Variants in GARS1 observed in about 807,000 individuals in gnomAD.
GARS1 encodes glycine--tRNA ligase.
GARS1 carries 46 observed loss-of-function variants against 86.4 expected under a neutral mutation model. The observed-to-expected ratio is 0.53, with a 90% CI of 0.42 to 0.68. The LOEUF (loss-of-function observed/expected upper bound fraction) is 0.68. Among genes scored for constraint, GARS1 ranks in the 30% least tolerant of loss-of-function variants. The pLI is 0.00. For synonymous variants in GARS1, 342 were observed against 329.8 expected, an observed-to-expected ratio of 1.04 and a Z score of -0.40; for missense variants, 797 against 915.6, an observed-to-expected ratio of 0.87 and a Z score of 1.67.
intron 8 of GARS1, chr7:30,614,205 A>AT (rs1562776875): frequency 6.6e-6 from 1 of 151,988 alleles, no homozygotes; most frequent in Non-Finnish European, 1.5e-5. Flanking sequence ...GCTAATTAAC[A>AT]TAATTATCAC....
intron 8 of GARS1, among the ~76,000 whole-genome samples, chr7:30,613,229 G>A (rs1257221167): frequency 1.3e-5 from 2 of 152,110 alleles, no homozygotes; most frequent in South Asian, 2.1e-4. Flanking sequence ...ACAGGTTTAC[G>A]GTTTAGGAAG....
At chr7:30,619,436 C>G (rs1488897797) in intron 10 of GARS1, among the ~76,000 whole-genome samples, 1 of 152,130 alleles carries the variant, frequency 6.6e-6, no homozygotes, top group Non-Finnish European at 1.5e-5. Flanking sequence ...CACACCAATT[C>G]TCTTTCCATC....
chr7:30,600,746 AATT>A (rs1178139665), intron 3 of GARS1, among the ~76,000 whole-genome samples: 1 of 152,222 alleles, frequency 6.6e-6, no homozygotes, highest in East Asian at 1.9e-4. Context: ...TGTGGTGAGA[AATT>A]ATTTTGTAAT....
At chr7:30,624,078 A>G (rs1041470905) in intron 12 of GARS1, among the ~76,000 whole-genome samples, 3 of 152,026 alleles carry the variant, frequency 2.0e-5, no homozygotes, top group Admixed American at 1.3e-4. Flanking sequence ...AAATTCGTAA[A>G]CTTTCAAAAA....
At chr7:30,610,357 A>G (rs1202644752) in intron 7 of GARS1, among the ~76,000 whole-genome samples, 1 of 152,200 alleles carries the variant, frequency 6.6e-6, no homozygotes, top group Non-Finnish European at 1.5e-5. Context: ...TATGATTCAG[A>G]ATTGGAATCT....
intron 8 of GARS1, chr7:30,614,200 T>G (rs1770001841): frequency 6.6e-6 from 1 of 152,204 alleles, no homozygotes; most frequent in African/African-American, 2.4e-5. Context: ...GTCAAGCTAA[T>G]TAACATAATT....
chr7:30,614,031 G>A (rs1412362638), intron 8 of GARS1, among the ~76,000 whole-genome samples: 2 of 152,178 alleles, frequency 1.3e-5, no homozygotes, highest in African/African-American at 4.8e-5. Context: ...TTCAGGTACA[G>A]TTGCTGAACT....
Position 30,612,114 on chromosome 7 carries a change from TG to T in GARS1, c.901del (p.Ala301HisfsTer6), listed in dbSNP as rs1202390816. 6.2e-7 allele frequency: 1 copy of T among 1,614,088 alleles called. No homozygotes were observed. Among genetic ancestry groups the T allele is most frequent in the Non-Finnish European group, 8.5e-7 (1 of 1,179,948 alleles). ...TTTATAGGTACTTGAGACCAGAAAC[TG>T]CACAGGGGATTTTCTTGAATTTCAA... The part of the protein sequence containing the change: ...NMPGYLRPET[A>X]QGIFLNFKRL... On this transcript the variant is annotated frameshift_variant, in exon 8 of 17. Transcript: ENST00000389266. LOFTEE classifies it high-confidence loss of function.
rs369783924 is a variant in GARS1, at chr7:30,632,560, C to G, written c.2094+123C>G. ...TTTTTTTCTTTTTAATTTTAATGAACGGCTTGTATCAGACAGAGCCCAGAT... is the reference window on the plus strand; with the variant it reads ...TTTTTTTCTTTTTAATTTTAATGAAGGGCTTGTATCAGACAGAGCCCAGAT... On this transcript the variant is annotated intron_variant, in intron 16 of 16. Coordinates refer to ENST00000389266, the MANE Select transcript of GARS1 (RefSeq NM_002047.4). The surrounding 1 kb of genome is among the most constrained non-coding windows in gnomAD (Gnocchi z 4.1). 9.8e-7 allele frequency: 1 copy of G among 1,015,262 alleles called. No homozygotes were observed. The highest frequency in any genetic ancestry group is 1.5e-6 in the Non-Finnish European group (1 of 667,278). 62.9% of individuals were successfully genotyped at this position (1,015,262 alleles called of 1,614,324 possible). A position where few individuals can be genotyped will look rare whatever the true frequency, so the allele number is the denominator to read the frequency against.
At chr7:30,598,421 C>G (rs1006291206) in intron 1 of GARS1, among the ~76,000 whole-genome samples, 24 of 123,462 alleles carry the variant, frequency 1.9e-4, no homozygotes, top group Non-Finnish European at 3.0e-4. Context: ...CGGAGTCTCA[C>G]TTTGTCACCC....
chr7:30,629,652 T>C (rs1783198175), intron 14 of GARS1, among the ~76,000 whole-genome samples: 1 of 152,222 alleles, frequency 6.6e-6, no homozygotes, highest in South Asian at 2.1e-4. Context: ...ACCAGTACTT[T>C]AGTCTGACAC....
chr7:30,599,024 A>T, intron 2 of GARS1, 127 bp downstream of exon 2: 1 of 748,916 alleles, frequency 1.3e-6, no homozygotes, highest in Non-Finnish European at 2.3e-6. Context: ...GTTTATCCAT[A>T]ATGCCGCCTT....
At chr7:30,619,776 C>CTTTTTTT (rs61613428) in intron 10 of GARS1, among the ~76,000 whole-genome samples, 83 of 124,246 alleles carry the variant, frequency 6.7e-4, no homozygotes, top group East Asian at 1.6e-3. Context: ...TTCTTTTTTT[C>CTTTTTTT]TTTTTTTTTT....
At position 30,632,447 on chromosome 7, in the gene GARS1, C is replaced by G; in HGVS notation, c.2094+10C>G. On this transcript the variant is annotated intron_variant, in intron 16 of 16. Coordinates refer to ENST00000389266, the MANE Select transcript of GARS1 (RefSeq NM_002047.4). This position sits in a 1 kb window ranked among gnomAD's most constrained non-coding sequence, Gnocchi z 4.1. ...GCAGATAAGAGCAGAGGTATCTGGC[C>G]TTCTCTTTGGCATTTTTAGCCTTAG... The G allele has an allele frequency of 6.2e-7, 1 of 1,613,902 alleles. No individual in the cohort carries two copies. Among genetic ancestry groups the G allele is most frequent in the Non-Finnish European group, 8.5e-7 (1 of 1,179,852 alleles).
Position 30,609,730 on chromosome 7 carries a change from G to A in GARS1, c.881G>A (p.Gly294Glu). The part of the protein sequence containing the change: ...TFIGPGGNMP[G>E]YLRPETAQGI... The stretch of plus-strand genomic sequence containing the variant: ...ATTGGGCCTGGAGGAAACATGCCTG[G>A]GTATGTATCACTTATTGTTTACCTG... Residue 294 changes from glycine (G) to glutamate (E), a missense_variant and splice_region_variant, in exon 7 of 17, where the codon GGG becomes GAG. Physicochemically the swap from Gly to Glu is moderately conservative, Grantham distance 98. Transcript: ENST00000389266. 1 of 1,613,098 alleles carries A rather than the reference G, an allele frequency of 6.2e-7. No homozygotes were observed. Among genetic ancestry groups the A allele is most frequent in the Non-Finnish European group, 8.5e-7 (1 of 1,179,440 alleles).
Position 30,632,088 on chromosome 7 carries a change from A to G in GARS1, c.1904-159A>G. The G allele has an allele frequency of 1.4e-6, 1 of 717,864 alleles. No individual in the cohort carries two copies. Among genetic ancestry groups the G allele is most frequent in the South Asian group, 1.6e-5 (1 of 62,168 alleles). The allele number at this position is 717,864 out of a possible 1,614,324, so 44.5% of individuals were successfully genotyped here. ...AGATTTGGATTCCCGCAAGGGATTTATTAAACTTTAGGGATATTTCTTTCT... is the reference window on the plus strand; with the variant it reads ...AGATTTGGATTCCCGCAAGGGATTTGTTAAACTTTAGGGATATTTCTTTCT... On this transcript the variant is annotated intron_variant, in intron 15 of 16. Coordinates refer to ENST00000389266, the MANE Select transcript of GARS1 (RefSeq NM_002047.4). The surrounding 1 kb of genome is among the most constrained non-coding windows in gnomAD (Gnocchi z 4.1).
intron 8 of GARS1, among the ~76,000 whole-genome samples, chr7:30,612,773 G>A (rs948306476): frequency 3.3e-5 from 5 of 152,106 alleles, no homozygotes; most frequent in Admixed American, 2.0e-4. Context: ...CAGCAAGCAA[G>A]CTTACCCTCA....
At chr7:30,625,213 G>A (rs552905287) in intron 12 of GARS1, among the ~76,000 whole-genome samples, 2 of 152,132 alleles carry the variant, frequency 1.3e-5, no homozygotes, top group Admixed American at 6.5e-5. Context: ...CAAAGTGCTG[G>A]GATTACAGGT....
chr7:30,623,073 C>T (rs888138513), intron 12 of GARS1, among the ~76,000 whole-genome samples: 3 of 149,572 alleles, frequency 2.0e-5, no homozygotes, highest in Non-Finnish European at 4.4e-5. Flanking sequence ...TGCACTCCAG[C>T]CTGGGCAACA....
Sources: allele counts gnomAD v4.1 joint callset (sites outside exome capture counted in the v4.1 genomes callset), GRCh38; gene constraint gnomAD v4.1.1; non-coding constraint Gnocchi (gnomAD v3.1); transcripts MANE v1.5; gene names NCBI Gene and HGNC (gene_info 2026-07-23, HGNC 2026-07-21).